Variants in MICAL1 observed in about 807,000 individuals in gnomAD.
The protein encoded by MICAL1 is [F-actin]-monooxygenase MICAL1.
In MICAL1, 95 loss-of-function variants were observed where a neutral mutation model predicts 131.8. That is an observed-to-expected ratio of 0.72 (90% CI 0.61 to 0.86). The LOEUF (loss-of-function observed/expected upper bound fraction) is 0.86. Ranked by LOEUF, MICAL1 falls within the 40% of genes least tolerant of loss-of-function variation. MICAL1 has a pLI of 0.00. For missense variants in MICAL1, 1,292 were observed against 1,380.6 expected (o/e 0.94, Z 1.02); for synonymous variants, 546 against 554.2 (o/e 0.99, Z 0.21).
Position 109,448,817 on chromosome 6 carries a change from C to T in MICAL1, c.1579G>A (p.Gly527Arg). ...WCQEQTAGYP[G>R]VHVSDLSSSW... The stretch of plus-strand genomic sequence containing the variant: ...GAAGACAAATCGGAGACGTGGACTC[C>T]CGGGTACCCAGCTGTCTGCTCCTGG... The change falls in exon 12 of 25, where the codon GGA (glycine) becomes AGA (arginine). Residue 527 changes from glycine (G) to arginine (R), a missense_variant. By Grantham distance (125) the Gly-to-Arg change is moderately radical. Coordinates refer to ENST00000358807, the MANE Select transcript of MICAL1 (RefSeq NM_022765.4). 6.2e-7 allele frequency: 1 copy of T among 1,614,062 alleles called. No homozygotes were observed. The highest frequency in any genetic ancestry group is 8.5e-7 in the Non-Finnish European group (1 of 1,180,004).
rs1393928294 is a variant in MICAL1, at chr6:109,453,925, C to A, written c.258+14G>T. On this transcript the variant is annotated intron_variant, in intron 2 of 24. Coordinates refer to ENST00000358807, the MANE Select transcript of MICAL1 (RefSeq NM_022765.4). ...CGCATGCTCCACACCCCATCCCAGG[C>A]ACCGTGTATCCACCTTGGTGCTGGT... 1 of 1,611,438 alleles carries A rather than the reference C, an allele frequency of 6.2e-7. No homozygotes were observed. Among genetic ancestry groups the A allele is most frequent in the African/African-American group, 1.3e-5 (1 of 74,900 alleles).
At chr6:109,446,439 G>C (rs760827819) in intron 18 of MICAL1, 27 bp from the exon 19 acceptor site, 1 of 739,078 alleles carries the variant, frequency 1.4e-6, no homozygotes. Context: ...GTGGAGTGAG[G>C]TCGGGGGGTG....
At chr6:109,448,176 A>T (rs770943764) in intron 13 of MICAL1, 27 bp downstream of exon 13, 3 of 1,514,502 alleles carry the variant, frequency 2.0e-6, no homozygotes, top group Non-Finnish European at 2.6e-6. Context: ...CATCCCAGTT[A>T]TCCTGCCCGC....
intron 3 of MICAL1, 86 bp downstream of exon 3, chr6:109,453,552 G>C (rs903182773): frequency 6.6e-7 from 1 of 1,521,764 alleles, no homozygotes; most frequent in East Asian, 2.5e-5. Flanking sequence ...TGTCCACTTC[G>C]ACATTTGGCT....
In MICAL1 at chr6:109,449,486, G is replaced by A. The variant is rs765709954; in HGVS notation, c.1435-5C>T. The A allele has an allele frequency of 1.2e-6, 2 of 1,614,206 alleles. No individual in the cohort carries two copies. The highest frequency in any genetic ancestry group is 1.1e-5 in the South Asian group (1 of 91,080). ...CACATCATACAGGTCTCGTACCTAA[G>A]GCAGCCCCGCTCAGGTCTCAAGGCA... is the stretch of plus-strand genomic sequence containing the variant. On this transcript the variant is annotated splice_region_variant and splice_polypyrimidine_tract_variant and intron_variant, in intron 10 of 24. Transcript: ENST00000358807.
chr6:109,452,601 C>T lies in MICAL1; in HGVS notation c.586G>A (p.Ala196Thr), dbSNP rs1283702635. The T allele has an allele frequency of 2.5e-6, 4 of 1,611,448 alleles. No individual in the cohort carries two copies. The East Asian group carries it at 8.9e-5, about 36-fold the overall frequency. Residue 196 changes from alanine (A) to threonine (T), a missense_variant, in exon 5 of 25, where the codon GCC (alanine) becomes ACC (threonine). Ala to Thr is a moderately conservative substitution (Grantham distance 58). Transcript: ENST00000358807. ...PPPRKGSGWRAQLQPNPPAQL... is the reference protein window; with the variant it reads ...PPPRKGSGWRTQLQPNPPAQL... ...GCAGGGGGGTTGGGTTGGAGCTGGG[C>T]ACGCCAGCCACTCCCTAGGGCAGGG... is the stretch of plus-strand genomic sequence containing the variant.
rs141406957 is a variant in MICAL1 at position 109,448,799 on chromosome 6, A to G, written c.1597T>C (p.Leu533=). Residue 533 remains leucine (L), a synonymous_variant, in exon 12 of 25, where the codon TTG becomes CTG. Coordinates refer to ENST00000358807, the MANE Select transcript of MICAL1 (RefSeq NM_022765.4). ...AGYPGVHVSD[L]SSSWADGLAL... ...AGCCCATCAGCCCAGGAGGAAGACA[A>G]ATCGGAGACGTGGACTCCCGGGTAC... is the stretch of plus-strand genomic sequence containing the variant. The G allele has an allele frequency of 2.8e-5, 46 of 1,614,068 alleles. No individual in the cohort carries two copies. In the African/African-American group the frequency reaches 4.3e-4, roughly 15 times the overall value.
Position 109,446,182 on chromosome 6 carries a change from C to G in MICAL1, c.2535G>C (p.Leu845=), listed in dbSNP as rs1775206291. The part of the protein sequence containing the change: ...RSCSALARHA[L]ESSFVGWGLP... Reference sequence around the variant, plus strand: ...GGCCCCAGCCCACAAAGCTGCTCTCCAGGGCGTGGCGGGCCAAGGCGGAGC... The same window carrying G: ...GGCCCCAGCCCACAAAGCTGCTCTCGAGGGCGTGGCGGGCCAAGGCGGAGC... The change falls in exon 19 of 25, where the codon CTG becomes CTC. Residue 845 remains leucine (L), a synonymous_variant. Coordinates refer to ENST00000358807, the MANE Select transcript of MICAL1 (RefSeq NM_022765.4). 1 of 1,584,890 alleles carries G rather than the reference C, an allele frequency of 6.3e-7. No homozygotes were observed. Among genetic ancestry groups the G allele is most frequent in the South Asian group, 1.1e-5 (1 of 87,360 alleles).
intron 7 of MICAL1, 108 bp downstream of exon 7, chr6:109,451,492 G>A (rs1775540792): frequency 7.5e-7 from 1 of 1,325,596 alleles, no homozygotes; most frequent in Non-Finnish European, 1.0e-6. Context: ...CCAGGACAAA[G>A]GCAGGAGAGG....
At position 109,448,802 on chromosome 6, in the gene MICAL1, C is replaced by T. The variant is rs200751714; in HGVS notation, c.1594G>A (p.Asp532Asn). Reference sequence around the variant, plus strand: ...CCATCAGCCCAGGAGGAAGACAAATCGGAGACGTGGACTCCCGGGTACCCA... The same window carrying T: ...CCATCAGCCCAGGAGGAAGACAAATTGGAGACGTGGACTCCCGGGTACCCA... ...TAGYPGVHVSDLSSSWADGLA... is the reference protein window; with the variant it reads ...TAGYPGVHVSNLSSSWADGLA... The change falls in exon 12 of 25, where the codon GAT becomes AAT. Residue 532 changes from aspartate to asparagine, a missense_variant. Asp to Asn is a conservative substitution (Grantham distance 23). Coordinates refer to ENST00000358807, the MANE Select transcript of MICAL1 (RefSeq NM_022765.4). The T allele has an allele frequency of 4.2e-5, 67 of 1,614,070 alleles. No homozygotes were observed. Among genetic ancestry groups the T allele is most frequent in the East Asian group, 3.1e-4 (14 of 44,864 alleles).
rs551622569 is a variant in MICAL1 at position 109,451,837 on chromosome 6, C to T, written c.833-137G>A. 84 of 1,451,304 alleles carry T rather than the reference C, an allele frequency of 5.8e-5. No homozygotes were observed. In the Admixed American group the frequency reaches 7.0e-4, roughly 12 times the overall value. The allele number at this position is 1,451,304 out of a possible 1,614,324, so 89.9% of individuals were successfully genotyped here. On this transcript the variant is annotated intron_variant, in intron 6 of 24. Transcript: ENST00000358807. ...TGAGTGCTCCACGCATAGAACCCCA[C>T]GAGTCCTGATGACACAAACAACCAT...
At position 109,447,102 on chromosome 6, in the gene MICAL1, G is replaced by A; in HGVS notation, c.2198C>T (p.Pro733Leu). 1 of 1,614,120 alleles carries A rather than the reference G, an allele frequency of 6.2e-7. No homozygotes were observed. The highest frequency in any genetic ancestry group is 8.5e-7 in the Non-Finnish European group (1 of 1,180,012). The change falls in exon 17 of 25, where the codon CCA (proline) becomes CTA (leucine). Residue 733 changes from proline (P) to leucine (L), a missense_variant. Pro to Leu is a moderately conservative substitution (Grantham distance 98, BLOSUM62 -3). Coordinates refer to ENST00000358807, the MANE Select transcript of MICAL1 (RefSeq NM_022765.4). ...TCCTGGGTGCTGCTCGTAGCCACCT[G>A]GCCACAGTGTGGCCTCACAGGTATG... is the stretch of plus-strand genomic sequence containing the variant. ...RCHTCEATLW[P>L]GGYEQHPGDG...
chr6:109,444,195 C>A lies in MICAL1; in HGVS notation c.3200G>T (p.Gly1067Val), dbSNP rs371990353. 5.6e-6 allele frequency: 9 copies of A among 1,612,622 alleles called. No homozygotes were observed. Among genetic ancestry groups the A allele is most frequent in the Non-Finnish European group, 7.6e-6 (9 of 1,179,884 alleles). ...SELALGTGAQ[G>V] The stretch of plus-strand genomic sequence containing the variant: ...AAGCAGACGGCCCACCCTCGTCTAG[C>A]CCTGGGCCCCTGTCCCCAAGGCCAG... Residue 1067 changes from glycine to valine, a missense_variant, in exon 25 of 25, where the codon GGC (glycine) becomes GTC (valine). Coordinates refer to ENST00000358807, the MANE Select transcript of MICAL1 (RefSeq NM_022765.4).
intron 1 of MICAL1, chr6:109,464,539 T>G (rs1473688171): frequency 6.6e-6 from 1 of 152,334 alleles, no homozygotes; most frequent in African/African-American, 2.4e-5. Context: ...TAAGCTTAGC[T>G]TGAAAACCTA....
rs150305641 is a variant in MICAL1 at position 109,454,074 on chromosome 6, G to A, written c.123C>T (p.Pro41=). ...TGTGGTACTGGGGCAGCCCCCCACCGGGTTCCAGCCCCAGGGCCCCACACA... is the reference window on the plus strand; with the variant it reads ...TGTGGTACTGGGGCAGCCCCCCACCAGGTTCCAGCCCCAGGGCCCCACACA... The part of the protein sequence containing the change: ...QELCGALGLE[P]GGGLPQYHKI... The change falls in exon 2 of 25, where the codon CCC becomes CCT. Residue 41 remains proline, a synonymous_variant. Coordinates refer to ENST00000358807, the MANE Select transcript of MICAL1 (RefSeq NM_022765.4). 257 of 1,613,996 alleles carry A rather than the reference G, an allele frequency of 1.6e-4. No homozygotes were observed. In the African/African-American group the frequency reaches 2.9e-3, roughly 18 times the overall value.
rs748032265 is a variant in MICAL1 at position 109,451,666 on chromosome 6, G to T, written c.867C>A (p.Asp289Glu). 6 of 1,614,052 alleles carry T rather than the reference G, an allele frequency of 3.7e-6. No homozygotes were observed. The South Asian group carries it at 5.5e-5, about 15-fold the overall frequency. The change falls in exon 7 of 25, where the codon GAC becomes GAA. Residue 289 changes from aspartate to glutamate, a missense_variant. By Grantham distance (45) the Asp-to-Glu change is conservative. Coordinates refer to ENST00000358807, the MANE Select transcript of MICAL1 (RefSeq NM_022765.4). ...CTGTCATCACAAAGTAGTGGGTGTC[G>T]TCCTTGTAGTACACAATGTTCTCCA... ...IDLENIVYYK[D>E]DTHYFVMTAK...
At chr6:109,449,594 A>C in intron 10 of MICAL1, 63 bp downstream of exon 10, 1 of 1,599,790 alleles carries the variant, frequency 6.3e-7, no homozygotes, top group East Asian at 2.2e-5. Context: ...CTGGGCAGGG[A>C]GGGCCTGACC....
In MICAL1 at chr6:109,453,284, G is replaced by A. The variant is rs1369954906; in HGVS notation, c.550C>T (p.Leu184Phe). Residue 184 changes from leucine (L) to phenylalanine (F), a missense_variant, in exon 4 of 25, where the codon CTC becomes TTC. Physicochemically the swap from Leu to Phe is conservative, Grantham distance 22. Coordinates refer to ENST00000358807, the MANE Select transcript of MICAL1 (RefSeq NM_022765.4). ...EIHWGVTFTGLQPPPRKGSGW... is the reference protein window; with the variant it reads ...EIHWGVTFTGFQPPPRKGSGW... ...TTACCCTTCCTAGGAGGGGGCTGGA[G>A]GCCAGTGAAAGTGACACCCCAGTGA... The A allele has an allele frequency of 2.5e-6, 4 of 1,613,856 alleles. No homozygotes were observed. Among genetic ancestry groups the A allele is most frequent in the Non-Finnish European group, 3.4e-6 (4 of 1,179,914 alleles).
At chr6:109,457,370 C>T (rs1237492462), upstream of MICAL1, among the ~76,000 whole-genome samples, 1 of 151,714 alleles carries the variant, frequency 6.6e-6, no homozygotes, top group Non-Finnish European at 1.5e-5. Context: ...CTAAAGTCCA[C>T]TACAGCTGGG....
Sources: allele counts gnomAD v4.1 joint callset (sites outside exome capture counted in the v4.1 genomes callset), GRCh38; gene constraint gnomAD v4.1.1; transcripts MANE v1.5; gene names NCBI Gene and HGNC (gene_info 2026-07-23, HGNC 2026-07-21).